ZDHHC17: variants seen among roughly 807,000 people sequenced by gnomAD.
ZDHHC17 encodes zDHHC palmitoyltransferase 17.
Under a neutral mutation model 90.3 loss-of-function variants are expected in ZDHHC17, and 40 were observed. The observed-to-expected ratio is 0.44, with a 90% CI of 0.34 to 0.58. The LOEUF is 0.58. Among genes scored for constraint, ZDHHC17 ranks in the 20% least tolerant of loss-of-function variants. ZDHHC17 has a pLI of 0.01. For synonymous variants in ZDHHC17, 235 were observed against 252.4 expected, an observed-to-expected ratio of 0.93 and a Z score of 0.65; for missense variants, 614 against 780.8, an observed-to-expected ratio of 0.79 and a Z score of 2.55.
At chr12:76,776,741 G>T (rs1009535637) in intron 1 of ZDHHC17, among the ~76,000 whole-genome samples, 1 of 152,152 alleles carries the variant, frequency 6.6e-6, no homozygotes, top group Non-Finnish European at 1.5e-5. Context: ...TGTGTGGCTA[G>T]TGGCTGTTGT....
intron 1 of ZDHHC17, chr12:76,764,648 A>G: frequency 2.0e-6 from 1 of 498,092 alleles, no homozygotes; most frequent in Non-Finnish European, 3.8e-6. Context: ...GTGGTTTTTG[A>G]ACCGCAGCTT....
At chr12:76,844,158 A>T (rs1192892109) in intron 12 of ZDHHC17, 6 of 152,216 alleles carry the variant, frequency 3.9e-5, no homozygotes, top group Non-Finnish European at 7.4e-5. Flanking sequence ...CAAACAAATT[A>T]TATAGTCATT....
At chr12:76,777,068 A>T (rs150312664) in intron 1 of ZDHHC17, among the ~76,000 whole-genome samples, 1 of 152,148 alleles carries the variant, frequency 6.6e-6, no homozygotes, top group Non-Finnish European at 1.5e-5. Context: ...GTAGGATAGG[A>T]TAGGATAGTA....
At chr12:76,772,778 C>T (rs1485646029) in intron 1 of ZDHHC17, among the ~76,000 whole-genome samples, 2 of 150,714 alleles carry the variant, frequency 1.3e-5, no homozygotes, top group East Asian at 3.9e-4. Flanking sequence ...ATCTCCTGAC[C>T]TCGTGATCCA....
chr12:76,808,494 GAT>G (rs1021130129), intron 3 of ZDHHC17, among the ~76,000 whole-genome samples: 1 of 152,058 alleles, frequency 6.6e-6, no homozygotes, highest in Non-Finnish European at 1.5e-5. Flanking sequence ...CTCAAAAAAA[GAT>G]ATTATGATGT....
At chr12:76,780,749 A>G (rs553769411) in intron 1 of ZDHHC17, among the ~76,000 whole-genome samples, 1 of 152,276 alleles carries the variant, frequency 6.6e-6, no homozygotes, top group East Asian at 1.9e-4. Flanking sequence ...TCTCTCTTTG[A>G]TAAACTTCTT....
At chr12:76,772,032 G>C (rs1432677237) in intron 1 of ZDHHC17, among the ~76,000 whole-genome samples, 1 of 152,170 alleles carries the variant, frequency 6.6e-6, no homozygotes, top group African/African-American at 2.4e-5. Context: ...CCGGGACATA[G>C]ATGCCAGCAA....
At chr12:76,835,315 T>G (rs1243133764) in intron 10 of ZDHHC17, among the ~76,000 whole-genome samples, 3 of 152,214 alleles carry the variant, frequency 2.0e-5, no homozygotes, top group Admixed American at 6.5e-5. Flanking sequence ...CCTCCCAAAG[T>G]GCTGGGATTA....
intron 2 of ZDHHC17, among the ~76,000 whole-genome samples, chr12:76,802,672 C>G (rs1322915862): frequency 6.6e-6 from 1 of 152,146 alleles, no homozygotes; most frequent in Non-Finnish European, 1.5e-5. Flanking sequence ...GCTTTGTCTT[C>G]ATGTTTGCTG....
intron 1 of ZDHHC17, among the ~76,000 whole-genome samples, chr12:76,796,415 A>G (rs985091525): frequency 6.6e-6 from 1 of 152,192 alleles, no homozygotes; most frequent in African/African-American, 2.4e-5. Context: ...TTGACTATAT[A>G]TACCAAATTT....
intron 8 of ZDHHC17, among the ~76,000 whole-genome samples, chr12:76,824,402 A>G (rs1161346475): frequency 1.3e-5 from 2 of 152,070 alleles, no homozygotes; most frequent in African/African-American, 4.8e-5. Context: ...AGTAACCATC[A>G]TATATTTAAA....
chr12:76,786,460 T>C (rs1952688509), intron 1 of ZDHHC17, among the ~76,000 whole-genome samples: 1 of 152,120 alleles, frequency 6.6e-6, no homozygotes, highest in African/African-American at 2.4e-5. Flanking sequence ...TTTACCATGT[T>C]GGTCACACTG....
intron 1 of ZDHHC17, among the ~76,000 whole-genome samples, chr12:76,772,816 A>AT (rs1458093359): frequency 6.7e-6 from 1 of 149,948 alleles, no homozygotes; most frequent in South Asian, 2.1e-4. Context: ...AAGTGCTGGG[A>AT]TTACAGGCGT....
intron 10 of ZDHHC17, among the ~76,000 whole-genome samples, chr12:76,832,284 T>A (rs139121607): frequency 6.6e-6 from 1 of 152,352 alleles, no homozygotes; most frequent in Non-Finnish European, 1.5e-5. Context: ...TTGTCCAGGA[T>A]CACTTCTGAT....
At chr12:76,781,128 C>T (rs1370962848) in intron 1 of ZDHHC17, among the ~76,000 whole-genome samples, 7 of 100,654 alleles carry the variant, frequency 7.0e-5, no homozygotes, top group Non-Finnish European at 1.3e-4. Context: ...AGCGAGACTC[C>T]GTCTCAAAAA....
intron 8 of ZDHHC17, 76 bp downstream of exon 8, chr12:76,822,607 T>G (rs554135475): frequency 8.1e-7 from 1 of 1,236,738 alleles, no homozygotes; most frequent in South Asian, 1.4e-5. Context: ...CAGGCTGGAG[T>G]GCAGTGGCGA....
In ZDHHC17 at chr12:76,764,283, A is replaced by T. The variant is rs774764015; in HGVS notation, c.47A>T (p.Asp16Val). ...AACACCAAGATGGCGGACGGCCCGG[A>T]TGAGTACGATACCGAAGCGGGCTGT... is the stretch of plus-strand genomic sequence containing the variant. ...GFNTKMADGP[D>V]EYDTEAGCVP... is the part of the protein sequence containing the mutation. The change falls in exon 1 of 17, where the codon GAT becomes GTT. Residue 16 changes from aspartate (D) to valine (V), a missense_variant. By Grantham distance (152) the Asp-to-Val change is radical (BLOSUM62 -3). Around this residue, in one of 5 missense-constraint regions of ZDHHC17, gnomAD observed 358 missense variants for 380.4 expected, o/e 0.94. Coordinates refer to ENST00000426126, the MANE Select transcript of ZDHHC17 (RefSeq NM_015336.4). The T allele has an allele frequency of 2.0e-5, 32 of 1,607,328 alleles. No individual in the cohort carries two copies. The highest frequency in any genetic ancestry group is 2.7e-5 in the Non-Finnish European group (32 of 1,177,106).
In ZDHHC17 at chr12:76,764,206, GC is replaced by G; in HGVS notation, c.-27del. On this transcript the variant is annotated 5_prime_UTR_variant, in exon 1 of 17. Coordinates refer to ENST00000426126, the MANE Select transcript of ZDHHC17 (RefSeq NM_015336.4). The stretch of plus-strand genomic sequence containing the variant: ...CGCGCTCGCCCTCCGCCTCGCCCGA[GC>G]CCCGGGAGGGTGAAACGCTTTCTCC... 6.5e-7 allele frequency: 1 copy of G among 1,527,382 alleles called. No individual in the cohort carries two copies. The highest frequency in any genetic ancestry group is 8.8e-7 in the Non-Finnish European group (1 of 1,132,056). The allele number at this position is 1,527,382 out of a possible 1,614,324, so 94.6% of individuals were successfully genotyped here. A position where few individuals can be genotyped will look rare whatever the true frequency, so the allele number is the denominator to read the frequency against.
chr12:76,765,580 A>T (rs540593139), intron 1 of ZDHHC17, among the ~76,000 whole-genome samples: 1 of 152,260 alleles, frequency 6.6e-6, no homozygotes, highest in Non-Finnish European at 1.5e-5. Context: ...TTAGGCCCTA[A>T]CATACGTCAG....
Sources: gnomAD v4.1 joint callset for allele counts (sites outside exome capture counted in the v4.1 genomes callset) on GRCh38, gnomAD v4.1.1 for gene constraint, gnomAD v4.1.1 regional missense constraint, MANE v1.5 for transcripts, NCBI Gene and HGNC (gene_info 2026-07-23, HGNC 2026-07-21) for gene names.